The following CCSER1 variants were observed in gnomAD, a reference collection of about 807,000 sequenced individuals.
The protein encoded by CCSER1 is serine-rich coiled-coil domain-containing protein 1.
A neutral mutation model predicts 82.0 loss-of-function variants in CCSER1; 41 were observed. The ratio of observed to expected loss-of-function variants is 0.50; its 90% CI spans 0.39 to 0.65. The LOEUF is 0.65. CCSER1 is among the 30% of genes least tolerant of loss of function. The pLI is 0.00. For missense variants in CCSER1, 1,119 were observed against 1,064.2 expected, an observed-to-expected ratio of 1.05 and a Z score of -0.72; for synonymous variants, 414 against 383.9, an observed-to-expected ratio of 1.08 and a Z score of -0.92.
At chr4:90,904,825 G>A (rs1221737439) in intron 8 of CCSER1, among the ~76,000 whole-genome samples, 2 of 152,032 alleles carry the variant, frequency 1.3e-5, no homozygotes, top group Admixed American at 6.6e-5. Context: ...TACCTGCTTG[G>A]ATGTTTCACA....
intron 10 of CCSER1, among the ~76,000 whole-genome samples, chr4:91,115,716 A>G (rs1726500961): frequency 6.6e-6 from 1 of 151,848 alleles, no homozygotes; most frequent in South Asian, 2.1e-4. Flanking sequence ...TGCATGAGTA[A>G]ATAAGTTGGA....
intron 1 of CCSER1, among the ~76,000 whole-genome samples, chr4:90,225,374 C>T (rs947815722): frequency 1.3e-5 from 2 of 151,750 alleles, no homozygotes; most frequent in African/African-American, 4.8e-5. Context: ...CCATGCCCAG[C>T]CTAAAGTGAC....
chr4:90,224,213 G>A (rs1389282782), intron 1 of CCSER1, among the ~76,000 whole-genome samples: 1 of 152,146 alleles, frequency 6.6e-6, no homozygotes, highest in East Asian at 1.9e-4. Context: ...TCAGAAGACG[G>A]AGAAAAGGCA....
At chr4:90,449,164 T>G (rs1761101194) in intron 4 of CCSER1, among the ~76,000 whole-genome samples, 1 of 152,104 alleles carries the variant, frequency 6.6e-6, no homozygotes, top group South Asian at 2.1e-4. Context: ...AGCTCCTCTC[T>G]GCAGGCAGGT....
chr4:91,465,816 C>G (rs1295016022), intron 10 of CCSER1, among the ~76,000 whole-genome samples: 2 of 152,096 alleles, frequency 1.3e-5, no homozygotes, highest in African/African-American at 4.8e-5. Flanking sequence ...GAAGCTGAAT[C>G]CCTGAATATA....
At chr4:90,545,377 A>G (rs939704235) in intron 5 of CCSER1, among the ~76,000 whole-genome samples, 2 of 152,146 alleles carry the variant, frequency 1.3e-5, no homozygotes, top group African/African-American at 4.8e-5. Context: ...CCTCCTAAAA[A>G]CAAGGCGATT....
chr4:91,339,674 T>G (rs759525507), intron 10 of CCSER1, among the ~76,000 whole-genome samples: 1 of 152,202 alleles, frequency 6.6e-6, no homozygotes, highest in Non-Finnish European at 1.5e-5. Context: ...ATACTCATGA[T>G]GTACTTTTGG....
intron 9 of CCSER1, among the ~76,000 whole-genome samples, chr4:91,069,217 T>C (rs190795900): frequency 2.6e-5 from 4 of 152,272 alleles, no homozygotes; most frequent in Admixed American, 6.5e-5. Flanking sequence ...AAGAAAATCC[T>C]AGAATTTTAT....
chr4:90,726,350 T>C (rs1381139580), intron 7 of CCSER1, among the ~76,000 whole-genome samples: 1 of 152,012 alleles, frequency 6.6e-6, no homozygotes. Context: ...ACAAATACTT[T>C]CCCACTAATA....
At chr4:90,255,813 G>A (rs1034195133) in intron 1 of CCSER1, among the ~76,000 whole-genome samples, 3 of 152,124 alleles carry the variant, frequency 2.0e-5, no homozygotes, top group Non-Finnish European at 4.4e-5. Flanking sequence ...AACACTTAAT[G>A]TTTATTTTCA....
At chr4:90,802,182 C>T (rs1756922486) in intron 7 of CCSER1, among the ~76,000 whole-genome samples, 1 of 150,642 alleles carries the variant, frequency 6.6e-6, no homozygotes, top group Non-Finnish European at 1.5e-5. Flanking sequence ...CATGCCATTC[C>T]ATTCCAGCCT....
chr4:91,265,119 C>T (rs1741474880), intron 10 of CCSER1, among the ~76,000 whole-genome samples: 1 of 151,878 alleles, frequency 6.6e-6, no homozygotes, highest in Admixed American at 6.6e-5. Context: ...TTTCAATAGC[C>T]AATGACTTCA....
chr4:90,324,210 G>A (rs998585352), intron 3 of CCSER1, among the ~76,000 whole-genome samples: 14 of 152,300 alleles, frequency 9.2e-5, no homozygotes, highest in African/African-American at 3.4e-4. Context: ...GGGTCAAATG[G>A]TATTTCTAGT....
At chr4:91,049,345 G>C (rs1195346759) in intron 9 of CCSER1, among the ~76,000 whole-genome samples, 1 of 152,114 alleles carries the variant, frequency 6.6e-6, no homozygotes, top group African/African-American at 2.4e-5. Context: ...TCACATGCTT[G>C]TGAATTTTTG....
rs568165362 is a variant in CCSER1, at chr4:91,255,388, AG to A, written c.2217+169397del. On this transcript the variant is annotated intron_variant, in intron 10 of 10. Transcript: ENST00000509176. The stretch of plus-strand genomic sequence containing the variant: ...AATAACCTTATTACTATTATTATTG[AG>A]GGAATGTCACAGTTGATAGTGAGTT... Among the ~76,000 whole-genome samples, 116 of 152,306 alleles carry A rather than the reference AG, an allele frequency of 7.6e-4. 2 individuals carry two copies. The highest frequency in any genetic ancestry group is 2.6e-3 in the African/African-American group (110 of 41,566).
rs190198423 is a variant in CCSER1 at position 90,427,515 on chromosome 4, A to G, written c.1603+27386A>G. Among the ~76,000 whole-genome samples, 26 of 151,640 alleles carry G rather than the reference A, an allele frequency of 1.7e-4. No homozygotes were observed. In the East Asian group the frequency reaches 4.8e-3, roughly 28 times the overall value. Reference sequence around the variant, plus strand: ...TGATTATGACTAAAAGTAATATACTACAAGGCCCTTCTATGGCACTGTTTA... The same window carrying G: ...TGATTATGACTAAAAGTAATATACTGCAAGGCCCTTCTATGGCACTGTTTA... On this transcript the variant is annotated intron_variant, in intron 4 of 10. Transcript: ENST00000509176.
intron 8 of CCSER1, among the ~76,000 whole-genome samples, chr4:90,820,962 A>C (rs1418644459): frequency 6.6e-6 from 1 of 152,098 alleles, no homozygotes; most frequent in African/African-American, 2.4e-5. Context: ...TATAATCAGA[A>C]AAACACCAGA....
intron 10 of CCSER1, among the ~76,000 whole-genome samples, chr4:91,139,723 T>A (rs1027085467): frequency 6.6e-6 from 1 of 152,166 alleles, no homozygotes; most frequent in African/African-American, 2.4e-5. Context: ...GAAAATTAAA[T>A]TTTGGAAATT....
At chr4:91,248,307 A>G (rs1297770623) in intron 10 of CCSER1, among the ~76,000 whole-genome samples, 1 of 152,232 alleles carries the variant, frequency 6.6e-6, no homozygotes, top group Admixed American at 6.5e-5. Flanking sequence ...CCTACACCTT[A>G]GGTTTAAGTA....
Sources: allele counts gnomAD v4.1 joint callset (sites outside exome capture counted in the v4.1 genomes callset), GRCh38; gene constraint gnomAD v4.1.1; transcripts MANE v1.5; gene names NCBI Gene and HGNC (gene_info 2026-07-23, HGNC 2026-07-21).